The following PRMT9 variants were observed in gnomAD, a reference collection of about 807,000 sequenced individuals.
PRMT9 encodes the protein protein arginine N-methyltransferase 9.
Under a neutral mutation model 83.2 loss-of-function variants are expected in PRMT9, and 59 were observed. The ratio of observed to expected loss-of-function variants is 0.71; its 90% CI spans 0.57 to 0.88. PRMT9 has a LOEUF of 0.88. Among genes scored for constraint, PRMT9 ranks in the 40% least tolerant of loss-of-function variants. The pLI is 0.00. For missense variants in PRMT9, 947 were observed against 1,021.9 expected (o/e 0.93, Z 1.00); for synonymous variants, 333 against 353.2 (o/e 0.94, Z 0.64).
At chr4:147,661,303 C>A in intron 6 of PRMT9, 1 of 367,886 alleles carries the variant, frequency 2.7e-6, no homozygotes, top group East Asian at 4.5e-5. Flanking sequence ...AAAAAGCAAG[C>A]AACTAAGATA....
At position 147,663,657 on chromosome 4, in the gene PRMT9, C is replaced by T. The variant is rs575434512; in HGVS notation, c.954-2619G>A. Among the ~76,000 whole-genome samples the T allele has an allele frequency of 2.0e-3, 305 of 152,198 alleles. 1 individual carries two copies. Among genetic ancestry groups the T allele is most frequent in the African/African-American group, 6.9e-3 (285 of 41,544 alleles). ...ATGGTATTAAAGGCGTGAGTCACTGCGCCCAGCCAGACAATTTCTTGCTAA... is the reference window on the plus strand; with the variant it reads ...ATGGTATTAAAGGCGTGAGTCACTGTGCCCAGCCAGACAATTTCTTGCTAA... On this transcript the variant is annotated intron_variant, in intron 6 of 11. Coordinates refer to ENST00000322396, the MANE Select transcript of PRMT9 (RefSeq NM_138364.4).
At chr4:147,658,909 G>A (rs905483223) in intron 7 of PRMT9, among the ~76,000 whole-genome samples, 2 of 152,160 alleles carry the variant, frequency 1.3e-5, no homozygotes, top group African/African-American at 4.8e-5. Context: ...GCCGGGCACG[G>A]TTGCTCACAC....
Position 147,683,904 on chromosome 4 carries a change from G to A in PRMT9, c.84C>T (p.Ser28=), listed in dbSNP as rs1430754514. The change falls in exon 1 of 12, where the codon TCC becomes TCT. Residue 28 remains serine (S), a synonymous_variant. Transcript: ENST00000322396. ...AAGRDELVSR[S]LQSAEHCLGV... ...CCAGACAGTGCTCTGCGCTCTGCAA[G>A]GACCGCGACACCAGCTCGTCCCGGC... 3 of 1,613,458 alleles carry A rather than the reference G, an allele frequency of 1.9e-6. No homozygotes were observed. Among genetic ancestry groups the A allele is most frequent in the African/African-American group, 1.3e-5 (1 of 74,936 alleles).
intron 6 of PRMT9, among the ~76,000 whole-genome samples, chr4:147,662,475 A>C (rs1309545997): frequency 6.6e-6 from 1 of 152,188 alleles, no homozygotes; most frequent in East Asian, 1.9e-4. Flanking sequence ...TATGGCTTAC[A>C]CACTTGCTAT....
chr4:147,661,789 C>CAAAAAAAAA (rs70958573), intron 6 of PRMT9, among the ~76,000 whole-genome samples: 2 of 60,216 alleles, frequency 3.3e-5, no homozygotes, highest in East Asian at 7.2e-4. Flanking sequence ...GACTCCATCT[C>CAAAAAAAAA]AAAAAAAAAA....
Position 147,654,384 on chromosome 4 carries a change from T to C in PRMT9, c.1513A>G (p.Asn505Asp), listed in dbSNP as rs542882645. ...NEAELCSALANLQTSKPDAVE... is the reference protein window; with the variant it reads ...NEAELCSALADLQTSKPDAVE... ...GCATCTGGTTTACTGGTCTGAAGGTTAGCGAGGGCACTACAAAGTTCAGCC... is the reference window on the plus strand; with the variant it reads ...GCATCTGGTTTACTGGTCTGAAGGTCAGCGAGGGCACTACAAAGTTCAGCC... The change falls in exon 9 of 12, where the codon AAC becomes GAC. Residue 505 changes from asparagine to aspartate, a missense_variant. Transcript: ENST00000322396. 1.7e-5 allele frequency: 28 copies of C among 1,614,096 alleles called. No homozygotes were observed. Among genetic ancestry groups the C allele is most frequent in the African/African-American group, 2.7e-5 (2 of 74,948 alleles).
chr4:147,681,412 A>C (rs1433283794), intron 1 of PRMT9, among the ~76,000 whole-genome samples: 1 of 152,224 alleles, frequency 6.6e-6, no homozygotes, highest in Non-Finnish European at 1.5e-5. Context: ...AACATTTTAA[A>C]TCATCTTCAC....
At chr4:147,673,930 A>C in intron 2 of PRMT9, 56 bp from the exon 3 acceptor site, 1 of 1,408,160 alleles carries the variant, frequency 7.1e-7, no homozygotes, top group Non-Finnish European at 1.0e-6. Context: ...TACCAACTGC[A>C]GTACCTTTGT....
chr4:147,662,001 C>T (rs1338219715), intron 6 of PRMT9, among the ~76,000 whole-genome samples: 1 of 152,076 alleles, frequency 6.6e-6, no homozygotes, highest in Non-Finnish European at 1.5e-5. Context: ...AGGAACCTCA[C>T]AGTGTTTGGC....
Position 147,680,477 on chromosome 4 carries a change from CAAAT to C in PRMT9, c.190-10_190-7del. 4 of 1,603,992 alleles carry C rather than the reference CAAAT, an allele frequency of 2.5e-6. No individual in the cohort carries two copies. Among genetic ancestry groups the C allele is most frequent in the Non-Finnish European group, 3.4e-6 (4 of 1,172,352 alleles). ...AGTGTGTACTGAAAAGTTTCCTTTA[CAAAT>C]AAGAAAAAAATTATGAATTAGTCAA... On this transcript the variant is annotated splice_polypyrimidine_tract_variant and splice_region_variant and intron_variant, in intron 1 of 11. Coordinates refer to ENST00000322396, the MANE Select transcript of PRMT9 (RefSeq NM_138364.4).
At chr4:147,671,870 T>C (rs1165568898) in intron 4 of PRMT9, 1 of 456,156 alleles carries the variant, frequency 2.2e-6, no homozygotes, top group African/African-American at 2.0e-5. Context: ...ACTGAAGGCC[T>C]TAACCCCGAA....
chr4:147,680,546 A>T, intron 1 of PRMT9, 75 bp from the exon 2 acceptor site: 1 of 1,130,994 alleles, frequency 8.8e-7, no homozygotes, highest in East Asian at 2.6e-5. Flanking sequence ...TTAGTTGAAG[A>T]TTCCAAGCAA....
chr4:147,654,789 T>G (rs754420747), intron 8 of PRMT9, among the ~76,000 whole-genome samples: 6 of 152,190 alleles, frequency 3.9e-5, no homozygotes, highest in African/African-American at 1.4e-4. Flanking sequence ...ATGGAGACAT[T>G]TGAGAGCTCC....
chr4:147,643,907 G>A lies in PRMT9; in HGVS notation c.2046-967C>T, dbSNP rs946287730. On this transcript the variant is annotated intron_variant, in intron 9 of 11. Coordinates refer to ENST00000322396, the MANE Select transcript of PRMT9 (RefSeq NM_138364.4). ...CTCAACAGGCTGAGATGGGAGGATC[G>A]CTTGAGCCCAGGAGGTCCACATTGC... 1.4e-4 allele frequency among the ~76,000 whole-genome samples: 21 copies of A among 152,160 alleles called. 1 individual carries two copies. The highest frequency in any genetic ancestry group is 1.0e-3 in the Admixed American group (16 of 15,280).
At chr4:147,650,165 G>A (rs557925409) in intron 9 of PRMT9, among the ~76,000 whole-genome samples, 1 of 152,220 alleles carries the variant, frequency 6.6e-6, no homozygotes, top group East Asian at 1.9e-4. Context: ...ACACAGTACT[G>A]GAAGTCCTCA....
At chr4:147,676,007 A>C (rs1403719080) in intron 2 of PRMT9, among the ~76,000 whole-genome samples, 1 of 152,234 alleles carries the variant, frequency 6.6e-6, no homozygotes, top group Non-Finnish European at 1.5e-5. Flanking sequence ...AAAGGAGTAT[A>C]GAACAAGAAC....
At chr4:147,680,838 C>G (rs930338118) in intron 1 of PRMT9, among the ~76,000 whole-genome samples, 2 of 152,162 alleles carry the variant, frequency 1.3e-5, no homozygotes, top group African/African-American at 4.8e-5. Context: ...TTATTATCAC[C>G]CATGTGTTAA....
chr4:147,661,615 CCT>C (rs1051964469), intron 6 of PRMT9, among the ~76,000 whole-genome samples: 24 of 151,832 alleles, frequency 1.6e-4, no homozygotes, highest in Admixed American at 5.9e-4. Flanking sequence ...ACAGTGAAAC[CCT>C]GTCTCTACTA....
At chr4:147,645,842 C>A (rs1003935141) in intron 9 of PRMT9, among the ~76,000 whole-genome samples, 1 of 152,200 alleles carries the variant, frequency 6.6e-6, no homozygotes. Context: ...TGGCACCAGA[C>A]TGATAAAGAT....
Sources: allele counts gnomAD v4.1 joint callset (sites outside exome capture counted in the v4.1 genomes callset), GRCh38; gene constraint gnomAD v4.1.1; transcripts MANE v1.5; gene names NCBI Gene and HGNC (gene_info 2026-07-23, HGNC 2026-07-21).